CHODL: variants seen among roughly 807,000 people sequenced by gnomAD.
CHODL encodes chondrolectin.
Under a neutral mutation model 34.5 loss-of-function variants are expected in CHODL, and 29 were observed. The ratio of observed to expected loss-of-function variants is 0.84; its 90% CI spans 0.63 to 1.15. The LOEUF (loss-of-function observed/expected upper bound fraction) is 1.15, where lower values mean the gene tolerates loss of function less well. Among genes scored for constraint, CHODL ranks in the 50% most tolerant of loss-of-function variants. The pLI is 0.00. For missense variants in CHODL, 332 were observed against 332.5 expected, an observed-to-expected ratio of 1.00 and a Z score of 0.01; for synonymous variants, 125 against 116.1, an observed-to-expected ratio of 1.08 and a Z score of -0.49.
chr21:18,100,154 T>G (rs2065195623), intron 2 of CHODL: 1 of 152,072 alleles, frequency 6.6e-6, no homozygotes, highest in South Asian at 2.1e-4. Context: ...TGAAAAATAT[T>G]TACATAGTTT....
chr21:17,947,919 T>A (rs945279157), intron 1 of CHODL, among the ~76,000 whole-genome samples: 1 of 152,148 alleles, frequency 6.6e-6, no homozygotes, highest in African/African-American at 2.4e-5. Context: ...CATCAGCAGA[T>A]GATTGGATAA....
chr21:17,940,005 G>T (rs1156685149), intron 1 of CHODL, among the ~76,000 whole-genome samples: 1 of 152,210 alleles, frequency 6.6e-6, no homozygotes, highest in Non-Finnish European at 1.5e-5. Flanking sequence ...ATAGAGGTTT[G>T]TGAACTTAGA....
intron 2 of CHODL, among the ~76,000 whole-genome samples, chr21:18,151,988 CTGTGTGTGTGTG>C (rs71941239): frequency 4.4e-4 from 65 of 146,618 alleles, no homozygotes; most frequent in Admixed American, 1.0e-3. Flanking sequence ...GTATATAACT[CTGTGTGTGTGTG>C]TGTGTGTGTG....
chr21:18,205,696 T>A (rs1198474662), intron 2 of CHODL, among the ~76,000 whole-genome samples: 1 of 151,832 alleles, frequency 6.6e-6, no homozygotes, highest in Middle Eastern at 3.2e-3. Flanking sequence ...AAAATTTCTC[T>A]CTTAATTTCT....
chr21:18,248,737 ATATG>A, intron 1 of CHODL, among the ~76,000 whole-genome samples: 1 of 120,808 alleles, frequency 8.3e-6, no homozygotes, highest in Non-Finnish European at 1.6e-5. Context: ...TATATAATAT[ATATG>A]TATAATATAT....
chr21:18,009,804 C>T (rs928255362), intron 1 of CHODL, among the ~76,000 whole-genome samples: 8 of 145,578 alleles, frequency 5.5e-5, no homozygotes, highest in Admixed American at 1.4e-4. Context: ...AGGAGAATGG[C>T]GTGAACCTGG....
At chr21:18,250,507 GTGCACTA>G (rs1252328619) in intron 1 of CHODL, among the ~76,000 whole-genome samples, 1 of 151,814 alleles carries the variant, frequency 6.6e-6, no homozygotes, top group Non-Finnish European at 1.5e-5. Flanking sequence ...TCCAGCTATA[GTGCACTA>G]TGCAATTAAG....
Position 18,253,220 on chromosome 21 carries a change from G to A in CHODL, c.80-3289G>A, listed in dbSNP as rs1256289626. On this transcript the variant is annotated intron_variant, in intron 1 of 5. Transcript: ENST00000299295. ...CAGGGATAATGAACAGTGACTTTTA[G>A]CATATGCATCATACCCAGGAATTCC... 2.0e-5 allele frequency among the ~76,000 whole-genome samples: 3 copies of A among 151,808 alleles called. No individual in the cohort carries two copies. The East Asian group carries it at 5.8e-4, about 29-fold the overall frequency.
chr21:18,016,759 A>T (rs1026433096), intron 1 of CHODL, among the ~76,000 whole-genome samples: 1 of 152,238 alleles, frequency 6.6e-6, no homozygotes, highest in Non-Finnish European at 1.5e-5. Context: ...ATGCCAGCCC[A>T]TGAAAGCAGC....
chr21:17,971,740 A>C (rs1038510966), intron 1 of CHODL, among the ~76,000 whole-genome samples: 1 of 152,178 alleles, frequency 6.6e-6, no homozygotes, highest in East Asian at 1.9e-4. Flanking sequence ...AGGAGCTGGT[A>C]CCATTCCTTC....
rs60033114 is a variant in CHODL at position 18,261,360 on chromosome 21, TAA to T, written c.634+1088_634+1089del. Among the ~76,000 whole-genome samples the T allele has an allele frequency of 1.8e-3, 253 of 137,758 alleles. 4 individuals are homozygous for T. Among genetic ancestry groups the T allele is most frequent in the African/African-American group, 5.2e-3 (198 of 38,440 alleles). 90.4% of individuals were successfully genotyped at this position (137,758 alleles called of 152,430 possible). On this transcript the variant is annotated intron_variant, in intron 4 of 5. Transcript: ENST00000299295. The stretch of plus-strand genomic sequence containing the variant: ...ATGTACACTAAAACTTAAAGTATGA[TAA>T]AAAAAAAAAAAAAGATCAGTAGGCT...
chr21:18,104,409 T>C (rs186338455), intron 2 of CHODL, among the ~76,000 whole-genome samples: 29 of 152,306 alleles, frequency 1.9e-4, no homozygotes, highest in Admixed American at 1.8e-3. Flanking sequence ...CCCCTTCGCC[T>C]TCCGCCATGA....
intron 1 of CHODL, among the ~76,000 whole-genome samples, chr21:17,946,994 C>T (rs1275902776): frequency 6.6e-6 from 1 of 151,820 alleles, no homozygotes; most frequent in Admixed American, 6.6e-5. Flanking sequence ...ATGTTGATTT[C>T]TTGCTTTTTA....
chr21:18,248,810 A>G (rs1199564632), intron 1 of CHODL, among the ~76,000 whole-genome samples: 7 of 119,176 alleles, frequency 5.9e-5, no homozygotes, highest in African/African-American at 2.5e-4. Flanking sequence ...GTATATATGT[A>G]TGTATATTAT....
intron 2 of CHODL, among the ~76,000 whole-genome samples, chr21:18,155,891 T>C (rs1357471068): frequency 6.6e-6 from 1 of 152,192 alleles, no homozygotes; most frequent in Non-Finnish European, 1.5e-5. Flanking sequence ...TTACAGTAAA[T>C]AGCTTTAAAG....
At chr21:18,002,775 G>T (rs1282882844) in intron 1 of CHODL, among the ~76,000 whole-genome samples, 2 of 152,108 alleles carry the variant, frequency 1.3e-5, no homozygotes, top group Non-Finnish European at 2.9e-5. Context: ...AGGCCTTCTG[G>T]GAATTAATGA....
intron 2 of CHODL, among the ~76,000 whole-genome samples, chr21:18,039,244 T>A (rs1418121613): frequency 6.6e-6 from 1 of 151,762 alleles, no homozygotes; most frequent in African/African-American, 2.4e-5. Flanking sequence ...TCTTAGATAT[T>A]CATTAAGTTT....
At chr21:17,925,140 C>A (rs527302426) in intron 1 of CHODL, among the ~76,000 whole-genome samples, 1 of 152,324 alleles carries the variant, frequency 6.6e-6, no homozygotes, top group Admixed American at 6.5e-5. Flanking sequence ...AAAGGACACA[C>A]CCCTGAGGAG....
At chr21:18,175,992 GT>G (rs1485762434) in intron 2 of CHODL, among the ~76,000 whole-genome samples, 1 of 152,188 alleles carries the variant, frequency 6.6e-6, no homozygotes, top group African/African-American at 2.4e-5. Context: ...TTTGTTAAGT[GT>G]TTTAGACATC....
Sources: allele counts gnomAD v4.1 joint callset (sites outside exome capture counted in the v4.1 genomes callset), GRCh38; gene constraint gnomAD v4.1.1; transcripts MANE v1.5; gene names NCBI Gene and HGNC (gene_info 2026-07-23, HGNC 2026-07-21).